The following TSPAN9 variants were observed in gnomAD, a reference collection of about 807,000 sequenced individuals.
The protein encoded by TSPAN9 is tetraspanin-9.
TSPAN9 carries 16 observed loss-of-function variants against 31.0 expected under a neutral mutation model. That is an observed-to-expected ratio of 0.52 (90% CI 0.35 to 0.78). TSPAN9 has a LOEUF of 0.78. Among genes scored for constraint, TSPAN9 ranks in the 30% least tolerant of loss-of-function variants. The pLI is 0.01. For missense variants in TSPAN9, 272 were observed against 312.5 expected (o/e 0.87, Z 0.98); for synonymous variants, 145 against 121.6 (o/e 1.19, Z -1.27).
chr12:3,171,348 C>T (rs900598793), intron 2 of TSPAN9, among the ~76,000 whole-genome samples: 1 of 152,170 alleles, frequency 6.6e-6, no homozygotes, highest in African/African-American at 2.4e-5. Context: ...GATCACATGA[C>T]TAATCCGTAA....
At chr12:3,104,565 G>A (rs972677132) in intron 2 of TSPAN9, among the ~76,000 whole-genome samples, 2 of 152,026 alleles carry the variant, frequency 1.3e-5, no homozygotes, top group African/African-American at 4.8e-5. Flanking sequence ...TGTTGCCCAG[G>A]TTGGTTTCGA....
chr12:3,111,676 C>T (rs768426734), intron 2 of TSPAN9, among the ~76,000 whole-genome samples: 5 of 145,650 alleles, frequency 3.4e-5, no homozygotes, highest in East Asian at 2.0e-4. Flanking sequence ...TGCAGTGGTG[C>T]GATCTTGGCT....
intron 3 of TSPAN9, among the ~76,000 whole-genome samples, chr12:3,246,216 C>T (rs1862123579): frequency 6.6e-6 from 1 of 151,850 alleles, no homozygotes; most frequent in Admixed American, 6.6e-5. Context: ...CACTTTCAAA[C>T]GACCCAGTCT....
intron 2 of TSPAN9, among the ~76,000 whole-genome samples, chr12:3,195,035 C>T (rs1453295298): frequency 7.9e-5 from 12 of 152,336 alleles, no homozygotes; most frequent in East Asian, 3.9e-4. Flanking sequence ...AAATGGTGCC[C>T]GTCTCACAGG....
intron 3 of TSPAN9, among the ~76,000 whole-genome samples, chr12:3,239,514 C>T (rs2098395485): frequency 1.3e-5 from 2 of 152,236 alleles, no homozygotes; most frequent in Admixed American, 6.5e-5. Context: ...GTCTGCCAGG[C>T]AGCCGCCACC....
intron 2 of TSPAN9, among the ~76,000 whole-genome samples, chr12:3,144,263 G>A (rs890047374): frequency 2.0e-5 from 3 of 151,990 alleles, no homozygotes; most frequent in Non-Finnish European, 2.9e-5. Context: ...ACCACGCCCG[G>A]CTAATTTTTG....
chr12:3,122,760 A>G (rs1036637348), intron 2 of TSPAN9, among the ~76,000 whole-genome samples: 1 of 152,198 alleles, frequency 6.6e-6, no homozygotes, highest in African/African-American at 2.4e-5. Flanking sequence ...TCCTCTTGCT[A>G]CACAGTATGT....
intron 3 of TSPAN9, among the ~76,000 whole-genome samples, chr12:3,225,786 A>G (rs1256587485): frequency 6.6e-6 from 1 of 151,612 alleles, no homozygotes; most frequent in East Asian, 1.9e-4. Flanking sequence ...GGGTCTTGTG[A>G]CTAGGGCCCA....
intron 2 of TSPAN9, among the ~76,000 whole-genome samples, chr12:3,176,901 G>A (rs2098355986): frequency 6.6e-6 from 1 of 152,178 alleles, no homozygotes; most frequent in South Asian, 2.1e-4. Flanking sequence ...TGTCAGCTGC[G>A]AGTGAAATGC....
At chr12:3,137,209 C>A (rs991780659) in intron 2 of TSPAN9, among the ~76,000 whole-genome samples, 12 of 152,230 alleles carry the variant, frequency 7.9e-5, no homozygotes, top group African/African-American at 2.9e-4. Context: ...GCTTCCGCCC[C>A]CATCCCACCC....
chr12:3,138,327 T>C (rs949291772), intron 2 of TSPAN9, among the ~76,000 whole-genome samples: 1 of 152,030 alleles, frequency 6.6e-6, no homozygotes, highest in Non-Finnish European at 1.5e-5. Context: ...CTCAGTCTCC[T>C]CACTGCGGGT....
intron 2 of TSPAN9, among the ~76,000 whole-genome samples, chr12:3,188,068 GA>G: frequency 6.6e-6 from 1 of 152,176 alleles, no homozygotes; most frequent in African/African-American, 2.4e-5. Context: ...CGCTTTTATC[GA>G]GCTCCTATGA....
chr12:3,150,353 G>T (rs1371861588), intron 2 of TSPAN9, among the ~76,000 whole-genome samples: 6 of 152,148 alleles, frequency 3.9e-5, no homozygotes, highest in Non-Finnish European at 8.8e-5. Context: ...TTTTGTTGAT[G>T]GGGGGCAGGA....
At chr12:3,237,092 G>A (rs970467673) in intron 3 of TSPAN9, among the ~76,000 whole-genome samples, 2 of 152,146 alleles carry the variant, frequency 1.3e-5, no homozygotes, top group Admixed American at 6.5e-5. Flanking sequence ...TAGGTGGGGC[G>A]GCAGCTGAAG....
chr12:3,126,088 G>A (rs770901802), intron 2 of TSPAN9, among the ~76,000 whole-genome samples: 4 of 152,222 alleles, frequency 2.6e-5, no homozygotes, highest in African/African-American at 4.8e-5. Context: ...TGGCTCACTA[G>A]TGTAGTGACT....
intron 2 of TSPAN9, among the ~76,000 whole-genome samples, chr12:3,119,980 G>C (rs2098324328): frequency 6.6e-6 from 1 of 152,162 alleles, no homozygotes; most frequent in South Asian, 2.1e-4. Context: ...GGGCCTGGGT[G>C]CCTCTCTGTA....
intron 3 of TSPAN9, among the ~76,000 whole-genome samples, chr12:3,239,173 G>C (rs1479333960): frequency 6.6e-6 from 1 of 150,662 alleles, no homozygotes; most frequent in Non-Finnish European, 1.5e-5. Flanking sequence ...GTGCCTGGTG[G>C]GTAGTGAAAA....
intron 3 of TSPAN9, among the ~76,000 whole-genome samples, chr12:3,225,363 C>G (rs10848832): frequency 3.9e-5 from 6 of 152,004 alleles, no homozygotes; most frequent in Non-Finnish European, 5.9e-5. Flanking sequence ...CACAGGACAG[C>G]CTGTCCTGTG....
intron 2 of TSPAN9, among the ~76,000 whole-genome samples, chr12:3,090,136 T>C (rs2098303485): frequency 6.6e-6 from 1 of 152,238 alleles, no homozygotes; most frequent in Non-Finnish European, 1.5e-5. Flanking sequence ...TTTCCATAAA[T>C]AGAATTGAAT....
Sources: allele counts gnomAD v4.1 joint callset (sites outside exome capture counted in the v4.1 genomes callset), GRCh38; gene constraint gnomAD v4.1.1; transcripts MANE v1.5; gene names NCBI Gene and HGNC (gene_info 2026-07-23, HGNC 2026-07-21).